Variants in ARID5B observed in about 807,000 individuals in gnomAD.
ARID5B encodes AT-rich interaction domain 5B, also known as AT-rich interactive domain-containing protein 5B.
A neutral mutation model predicts 97.2 loss-of-function variants in ARID5B; 13 were observed. That is an observed-to-expected ratio of 0.13 (90% CI 0.09 to 0.21). The LOEUF is 0.21. ARID5B is among the 10% of genes least tolerant of loss of function. The pLI is 1.00. For missense variants in ARID5B, 1,210 were observed against 1,465.3 expected (o/e 0.83, Z 2.84); for synonymous variants, 556 against 570.3 (o/e 0.97, Z 0.36).
At chr10:62,057,957 G>A (rs1839878069) in intron 6 of ARID5B, among the ~76,000 whole-genome samples, 2 of 152,104 alleles carry the variant, frequency 1.3e-5, no homozygotes, top group Non-Finnish European at 1.5e-5. Flanking sequence ...CCTTGATTTT[G>A]CAACCGAATA....
chr10:62,049,602 A>G (rs1839758560), intron 4 of ARID5B: 1 of 1,386,300 alleles, frequency 7.2e-7, no homozygotes, highest in Non-Finnish European at 1.0e-6. Context: ...GAGAGGAGAG[A>G]GCGGGTGTGG....
intron 7 of ARID5B, among the ~76,000 whole-genome samples, chr10:62,066,483 C>T (rs574198985): frequency 3.3e-5 from 5 of 152,250 alleles, no homozygotes; most frequent in East Asian, 1.9e-4. Flanking sequence ...ACCACTTCCT[C>T]GAAGGGCCAG....
chr10:62,060,832 T>C (rs1291950186), intron 7 of ARID5B, among the ~76,000 whole-genome samples: 1 of 152,242 alleles, frequency 6.6e-6, no homozygotes, highest in Non-Finnish European at 1.5e-5. Flanking sequence ...TCTGGAACTT[T>C]TTGTTATTCA....
At chr10:61,926,030 A>G (rs762948923) in intron 2 of ARID5B, among the ~76,000 whole-genome samples, 1 of 152,198 alleles carries the variant, frequency 6.6e-6, no homozygotes, top group Non-Finnish European at 1.5e-5. Flanking sequence ...GGGAAATTAG[A>G]ACCCAATACA....
chr10:61,911,705 A>T (rs542059849), intron 2 of ARID5B, among the ~76,000 whole-genome samples: 1 of 152,290 alleles, frequency 6.6e-6, no homozygotes, highest in African/African-American at 2.4e-5. Flanking sequence ...CATAGGCCAT[A>T]CATTGTGCCT....
chr10:61,960,157 T>C (rs1838450572), intron 3 of ARID5B, among the ~76,000 whole-genome samples: 1 of 152,174 alleles, frequency 6.6e-6, no homozygotes, highest in Non-Finnish European at 1.5e-5. Context: ...TTATTTCATA[T>C]ATTTTTCTTT....
At chr10:62,013,115 A>G (rs1266876380) in intron 4 of ARID5B, among the ~76,000 whole-genome samples, 1 of 152,202 alleles carries the variant, frequency 6.6e-6, no homozygotes, top group Non-Finnish European at 1.5e-5. Context: ...CTCAGAATGA[A>G]GATCCAGAGT....
intron 3 of ARID5B, among the ~76,000 whole-genome samples, chr10:61,977,483 A>G (rs1424273017): frequency 6.6e-6 from 1 of 152,120 alleles, no homozygotes; most frequent in African/African-American, 2.4e-5. Context: ...AACAGTGTAA[A>G]AGTGTTTCTA....
intron 2 of ARID5B, among the ~76,000 whole-genome samples, chr10:61,933,566 T>C (rs1378105746): frequency 6.6e-6 from 1 of 152,188 alleles, no homozygotes; most frequent in Admixed American, 6.5e-5. Flanking sequence ...GACTGCAGAA[T>C]AGATGTTGTG....
chr10:62,034,473 G>T (rs993241923), intron 4 of ARID5B, among the ~76,000 whole-genome samples: 1 of 152,204 alleles, frequency 6.6e-6, no homozygotes, highest in Non-Finnish European at 1.5e-5. Flanking sequence ...CAGCTGACAT[G>T]TTTAGCTAAT....
Position 62,091,462 on chromosome 10 carries a change from A to T in ARID5B, c.1999A>T (p.Asn667Tyr). The change falls in exon 10 of 10, where the codon AAC (asparagine) becomes TAC (tyrosine). Residue 667 changes from asparagine to tyrosine, a missense_variant. This residue lies in a region of ARID5B where 800 missense variants were observed against 839.1 expected (regional missense o/e 0.95). Transcript: ENST00000279873. ...FKDKDLTGPM[N>Y]ENHGLNYTPL... ...AGACAAAGACCTGACTGGGCCCATG[A>T]ACGAGAACCATGGACTTAATTACAC... is the stretch of plus-strand genomic sequence containing the variant. 1 of 1,612,060 alleles carries T rather than the reference A, an allele frequency of 6.2e-7. No individual in the cohort carries two copies. The highest frequency in any genetic ancestry group is 8.5e-7 in the Non-Finnish European group (1 of 1,178,882).
At chr10:62,043,531 C>CA (rs1451046368) in intron 4 of ARID5B, among the ~76,000 whole-genome samples, 8 of 152,112 alleles carry the variant, frequency 5.3e-5, no homozygotes, top group African/African-American at 1.9e-4. Flanking sequence ...AAGCTGACTT[C>CA]AAAAAAGGCT....
intron 2 of ARID5B, among the ~76,000 whole-genome samples, chr10:61,912,841 A>G (rs1280000408): frequency 6.6e-6 from 1 of 152,104 alleles, no homozygotes; most frequent in Admixed American, 6.6e-5. Flanking sequence ...GCTTGTCACT[A>G]AGCTTGCCCT....
At chr10:62,006,947 G>T (rs1310378220) in intron 4 of ARID5B, among the ~76,000 whole-genome samples, 1 of 152,168 alleles carries the variant, frequency 6.6e-6, no homozygotes, top group Non-Finnish European at 1.5e-5. Context: ...CGTAAGAAAT[G>T]ATTTGTGTCT....
rs376702801 is a variant in ARID5B, at chr10:61,981,580, C to T, written c.503-18511C>T. ...TATAGGCATGAGTCACCATGCCTGG[C>T]CTGAGGTTTTTATCTTTTTTTTCCC... On this transcript the variant is annotated intron_variant, in intron 3 of 9. Coordinates refer to ENST00000279873, the MANE Select transcript of ARID5B (RefSeq NM_032199.3). Among the ~76,000 whole-genome samples, 22 of 152,202 alleles carry T rather than the reference C, an allele frequency of 1.4e-4. No homozygotes were observed. In the East Asian group the frequency reaches 2.9e-3, roughly 20 times the overall value.
At chr10:62,027,691 A>G (rs1839440829) in intron 4 of ARID5B, among the ~76,000 whole-genome samples, 1 of 151,662 alleles carries the variant, frequency 6.6e-6, no homozygotes, top group Non-Finnish European at 1.5e-5. Context: ...AACTTCTTGC[A>G]CTCGTTTCTT....
intron 2 of ARID5B, among the ~76,000 whole-genome samples, chr10:61,914,092 A>G (rs1457095419): frequency 2.0e-5 from 3 of 152,214 alleles, no homozygotes; most frequent in African/African-American, 7.2e-5. Flanking sequence ...GTGATTACAC[A>G]GAAGCCAGGA....
At chr10:62,016,194 A>G (rs12217912) in intron 4 of ARID5B, among the ~76,000 whole-genome samples, 3,609 of 152,316 alleles carry the variant, frequency 0.024, 207 homozygotes, top group Admixed American at 0.14. Flanking sequence ...TTATTGGCAC[A>G]CTGCCACACT....
At chr10:62,055,464 G>A (rs1197767709) in intron 5 of ARID5B, among the ~76,000 whole-genome samples, 2 of 152,196 alleles carry the variant, frequency 1.3e-5, no homozygotes, top group East Asian at 3.8e-4. Context: ...CACTCAGGAA[G>A]GGGTGGGAGG....
Sources: gnomAD v4.1 joint callset for allele counts (sites outside exome capture counted in the v4.1 genomes callset) on GRCh38, gnomAD v4.1.1 for gene constraint, gnomAD v4.1.1 regional missense constraint, MANE v1.5 for transcripts, NCBI Gene and HGNC (gene_info 2026-07-23, HGNC 2026-07-21) for gene names.